Variants in RPAP2 observed in about 807,000 individuals in gnomAD.
RPAP2 encodes putative RNA polymerase II subunit B1 CTD phosphatase RPAP2.
Under a neutral mutation model 73.1 loss-of-function variants are expected in RPAP2, and 52 were observed. The ratio of observed to expected loss-of-function variants is 0.71; its 90% CI spans 0.57 to 0.90. RPAP2 has a LOEUF of 0.90. Ranked by LOEUF, RPAP2 falls within the 40% of genes least tolerant of loss-of-function variation. The pLI is 0.00. For synonymous variants in RPAP2, 225 were observed against 242.1 expected (o/e 0.93, Z 0.65); for missense variants, 598 against 701.8 (o/e 0.85, Z 1.67).
At chr1:92,302,490 T>C in intron 3 of RPAP2, among the ~76,000 whole-genome samples, 1 of 152,136 alleles carries the variant, frequency 6.6e-6, no homozygotes, top group Non-Finnish European at 1.5e-5. Context: ...AAGAATATTA[T>C]TTTTGTCAAT....
At chr1:92,370,505 T>C (rs1336259035) in intron 11 of RPAP2, among the ~76,000 whole-genome samples, 1 of 152,152 alleles carries the variant, frequency 6.6e-6, no homozygotes, top group Non-Finnish European at 1.5e-5. Flanking sequence ...GAAAATAAAA[T>C]CCTGCAAGAG....
chr1:92,379,691 T>G (rs759974752), intron 11 of RPAP2, among the ~76,000 whole-genome samples: 4 of 152,074 alleles, frequency 2.6e-5, no homozygotes, highest in Non-Finnish European at 5.9e-5. Flanking sequence ...TCCCAGCACT[T>G]TGGGAGGCCA....
At chr1:92,338,125 A>C (rs1461953583) in intron 10 of RPAP2, among the ~76,000 whole-genome samples, 2 of 152,166 alleles carry the variant, frequency 1.3e-5, no homozygotes, top group African/African-American at 4.8e-5. Flanking sequence ...TGGCTGATAA[A>C]ACAAGCACAT....
At chr1:92,361,183 G>T (rs1654719067) in intron 11 of RPAP2, among the ~76,000 whole-genome samples, 1 of 151,302 alleles carries the variant, frequency 6.6e-6, no homozygotes, top group African/African-American at 2.4e-5. Flanking sequence ...GAGAATAAGA[G>T]AATTTCCATT....
Position 92,303,959 on chromosome 1 carries a change from C to G in RPAP2, c.235-18C>G. On this transcript the variant is annotated intron_variant, in intron 3 of 12. Coordinates refer to ENST00000610020, the MANE Select transcript of RPAP2 (RefSeq NM_024813.3). ...TTCTATTAAACTAGGAGGAAATAACCCTCTCATTTCATTTTAGGGGAGGTT... is the reference window on the plus strand; with the variant it reads ...TTCTATTAAACTAGGAGGAAATAACGCTCTCATTTCATTTTAGGGGAGGTT... 3 of 1,519,542 alleles carry G rather than the reference C, an allele frequency of 2.0e-6. No individual in the cohort carries two copies. Among genetic ancestry groups the G allele is most frequent in the Non-Finnish European group, 2.7e-6 (3 of 1,107,200 alleles). 94.1% of individuals were successfully genotyped at this position (1,519,542 alleles called of 1,614,324 possible). A position where few individuals can be genotyped will look rare whatever the true frequency, so the allele number is the denominator to read the frequency against.
chr1:92,375,293 A>G (rs1226389409), intron 11 of RPAP2, among the ~76,000 whole-genome samples: 2 of 152,222 alleles, frequency 1.3e-5, no homozygotes, highest in South Asian at 4.1e-4. Flanking sequence ...TACATCGCCT[A>G]ATTCCAAAAA....
chr1:92,299,697 A>G (rs1013511953), intron 1 of RPAP2, among the ~76,000 whole-genome samples: 1 of 152,218 alleles, frequency 6.6e-6, no homozygotes, highest in African/African-American at 2.4e-5. Context: ...GAAAAATTAG[A>G]CAGTAATCAA....
intron 11 of RPAP2, among the ~76,000 whole-genome samples, chr1:92,356,099 CTT>C (rs999475428): frequency 6.6e-6 from 1 of 151,862 alleles, no homozygotes; most frequent in African/African-American, 2.4e-5. Flanking sequence ...AACTGTGGGC[CTT>C]TTTTTCCTCA....
In RPAP2 at chr1:92,394,566, T is replaced by C. The variant is rs1656138427; in HGVS notation, c.*7555T>C. 6.6e-6 allele frequency: 1 copy of C among 152,202 alleles called. No homozygotes were observed. The highest frequency in any genetic ancestry group is 1.5e-5 in the Non-Finnish European group (1 of 68,060). The allele number at this position is 152,202 out of a possible 1,614,324, so 9.4% of individuals were successfully genotyped here. A position where few individuals can be genotyped will look rare whatever the true frequency, so the allele number is the denominator to read the frequency against. On this transcript the variant is annotated 3_prime_UTR_variant, in exon 13 of 13. Coordinates refer to ENST00000610020, the MANE Select transcript of RPAP2 (RefSeq NM_024813.3). ...TACTTGAGAGGCTACATTGGGAGGA[T>C]TGCCTGAGCTTGGGAGGTTGAGGCT...
chr1:92,304,127 A>G (rs761849959), intron 4 of RPAP2, 52 bp downstream of exon 4: 9 of 1,379,954 alleles, frequency 6.5e-6, no homozygotes, highest in Admixed American at 1.9e-5. Flanking sequence ...TTCATTTAGC[A>G]AAATACTTTG....
intron 5 of RPAP2, among the ~76,000 whole-genome samples, chr1:92,305,512 A>G (rs1259304301): frequency 6.6e-6 from 1 of 151,000 alleles, no homozygotes; most frequent in Non-Finnish European, 1.5e-5. Flanking sequence ...ATGGAAAATT[A>G]TAGGCCAAAG....
chr1:92,381,101 TTC>T (rs552361283), intron 12 of RPAP2, among the ~76,000 whole-genome samples: 173 of 152,216 alleles, frequency 1.1e-3, no homozygotes, highest in African/African-American at 3.9e-3. Context: ...GTTACAACAG[TTC>T]TGTTTTTTGC....
chr1:92,351,930 T>C (rs1654240366), intron 11 of RPAP2, among the ~76,000 whole-genome samples: 1 of 152,310 alleles, frequency 6.6e-6, no homozygotes, highest in East Asian at 1.9e-4. Context: ...GTCAAATGTC[T>C]CTTGGTGGCC....
chr1:92,340,777 T>C (rs1354216928), intron 10 of RPAP2, among the ~76,000 whole-genome samples: 1 of 152,184 alleles, frequency 6.6e-6, no homozygotes, highest in Non-Finnish European at 1.5e-5. Context: ...CTGAATTGCA[T>C]TACAAATCTG....
intron 10 of RPAP2, among the ~76,000 whole-genome samples, chr1:92,341,056 T>C (rs1653563560): frequency 6.6e-6 from 1 of 152,180 alleles, no homozygotes; most frequent in Admixed American, 6.5e-5. Context: ...TCACCCAGGT[T>C]GGACTGCCGT....
intron 11 of RPAP2, among the ~76,000 whole-genome samples, chr1:92,371,909 C>A (rs866903468): frequency 0.011 from 1,336 of 127,152 alleles, 26 homozygotes; most frequent in African/African-American, 0.036. Context: ...AAAAAAAAAA[C>A]CAGAAAAAGC....
At chr1:92,360,158 G>C (rs904011549) in intron 11 of RPAP2, among the ~76,000 whole-genome samples, 3 of 152,184 alleles carry the variant, frequency 2.0e-5, no homozygotes, top group African/African-American at 2.4e-5. Flanking sequence ...TAATCAACCA[G>C]AACACTGTTA....
intron 10 of RPAP2, among the ~76,000 whole-genome samples, chr1:92,338,074 T>C (rs1053782306): frequency 5.3e-5 from 8 of 152,326 alleles, no homozygotes; most frequent in African/African-American, 1.9e-4. Flanking sequence ...AATTAAGCTT[T>C]CACAGGCATC....
intron 11 of RPAP2, among the ~76,000 whole-genome samples, chr1:92,373,208 A>G (rs1655225322): frequency 6.6e-6 from 1 of 152,154 alleles, no homozygotes; most frequent in South Asian, 2.1e-4. Context: ...TTAGAGGGAA[A>G]GGTGACATTA....
Sources: gnomAD v4.1 joint callset for allele counts (sites outside exome capture counted in the v4.1 genomes callset) on GRCh38, gnomAD v4.1.1 for gene constraint, MANE v1.5 for transcripts, NCBI Gene and HGNC (gene_info 2026-07-23, HGNC 2026-07-21) for gene names.